ARHGEF37: variants seen among roughly 807,000 people sequenced by gnomAD.
ARHGEF37 encodes the protein Rho guanine nucleotide exchange factor (GEF) 37.
A neutral mutation model predicts 71.1 loss-of-function variants in ARHGEF37; 55 were observed. The observed-to-expected ratio is 0.77, with a 90% CI of 0.62 to 0.97. The LOEUF (loss-of-function observed/expected upper bound fraction) is 0.97, where lower values mean the gene tolerates loss of function less well. Ranked by LOEUF, ARHGEF37 falls within the 50% of genes least tolerant of loss-of-function variation. The pLI is 0.00. For synonymous variants in ARHGEF37, 327 were observed against 350.6 expected (o/e 0.93, Z 0.75); for missense variants, 765 against 836.8 (o/e 0.91, Z 1.06).
At chr5:149,585,504 A>T (rs1763209454) in intron 1 of ARHGEF37, among the ~76,000 whole-genome samples, 1 of 152,118 alleles carries the variant, frequency 6.6e-6, no homozygotes, top group Non-Finnish European at 1.5e-5. Flanking sequence ...AACACTACAT[A>T]GTGCATACTG....
Position 149,627,280 on chromosome 5 carries a change from G to C in ARHGEF37, c.1660+9G>C, listed in dbSNP as rs777741512. ...GCTGGTGGACACCGGGGGTACGTGA[G>C]CCTTTGGGAGCCCTTCTTCTCCTTC... On this transcript the variant is annotated intron_variant, in intron 11 of 12. Coordinates refer to ENST00000333677, the MANE Select transcript of ARHGEF37 (RefSeq NM_001001669.3). 6.2e-7 allele frequency: 1 copy of C among 1,609,888 alleles called. No homozygotes were observed. The highest frequency in any genetic ancestry group is 1.7e-5 in the Admixed American group (1 of 59,804).
At chr5:149,587,895 T>TAGTC (rs1491456188) in intron 1 of ARHGEF37, among the ~76,000 whole-genome samples, 9 of 28,314 alleles carry the variant, frequency 3.2e-4, no homozygotes, top group Admixed American at 4.9e-4. Context: ...CCCTTTAGTC[T>TAGTC]TTTTTTTTTT....
Position 149,619,020 on chromosome 5 carries a change from CT to C in ARHGEF37, c.873del (p.Ala292LeufsTer42), listed in dbSNP as rs1445004466. The C allele has an allele frequency of 1.6e-5, 26 of 1,614,130 alleles. No homozygotes were observed. The highest frequency in any genetic ancestry group is 2.2e-5 in the Non-Finnish European group (26 of 1,179,992). On this transcript the variant is annotated frameshift_variant, in exon 7 of 13. Coordinates refer to ENST00000333677, the MANE Select transcript of ARHGEF37 (RefSeq NM_001001669.3). LOFTEE classifies it high-confidence loss of function. ...GTGACTGAGCTGAAGAACAACGTGG[CT>C]GCTTACCTGGACAATCTGCAGGTGA... ...LCVTELKNNV[A>X]AYLDNLQAFL...
intron 9 of ARHGEF37, 46 bp from the exon 10 acceptor site, chr5:149,623,966 T>G: frequency 6.5e-7 from 1 of 1,548,360 alleles, no homozygotes; most frequent in Non-Finnish European, 8.8e-7. Flanking sequence ...GGGATCTCAT[T>G]GTCCCCTCTT....
chr5:149,588,836 C>G (rs1469221717), intron 1 of ARHGEF37, among the ~76,000 whole-genome samples: 1 of 152,220 alleles, frequency 6.6e-6, no homozygotes, highest in East Asian at 1.9e-4. Flanking sequence ...CCTCAACTTT[C>G]CCTGCCCAGA....
intron 4 of ARHGEF37, among the ~76,000 whole-genome samples, chr5:149,615,292 C>A (rs956946024): frequency 6.7e-6 from 1 of 149,296 alleles, no homozygotes; most frequent in Non-Finnish European, 1.5e-5. Flanking sequence ...GTAGCCACCA[C>A]CATGCCTAGT....
intron 5 of ARHGEF37, among the ~76,000 whole-genome samples, chr5:149,617,654 C>T (rs1752416669): frequency 1.3e-5 from 2 of 152,176 alleles, no homozygotes; most frequent in Admixed American, 1.3e-4. Flanking sequence ...GGGACAGAGC[C>T]AGGTTTCAAA....
chr5:149,621,570 G>A (rs1195173898), intron 8 of ARHGEF37, among the ~76,000 whole-genome samples, 163 bp from the exon 9 acceptor site: 8 of 152,128 alleles, frequency 5.3e-5, no homozygotes, highest in Non-Finnish European at 2.9e-5. Flanking sequence ...TTTTTCAGAT[G>A]GGCAGATTGA....
chr5:149,582,895 A>G (rs1467063500), intron 1 of ARHGEF37, among the ~76,000 whole-genome samples: 2 of 152,258 alleles, frequency 1.3e-5, no homozygotes, highest in African/African-American at 4.8e-5. Flanking sequence ...TCTGAAATAA[A>G]ATACAATTTA....
At chr5:149,588,496 G>A (rs1763303759) in intron 1 of ARHGEF37, among the ~76,000 whole-genome samples, 1 of 151,242 alleles carries the variant, frequency 6.6e-6, no homozygotes, top group South Asian at 2.1e-4. Flanking sequence ...ATGGGGTTTT[G>A]CCATGTTGGC....
chr5:149,622,959 A>C lies in ARHGEF37; in HGVS notation c.1335+897A>C, dbSNP rs555623575. Reference sequence around the variant, plus strand: ...TCTCCAGCTCAGCTTTTCCCCATCCAATTCTTTGCATGAAAACTCTACTAA... The same window carrying C: ...TCTCCAGCTCAGCTTTTCCCCATCCCATTCTTTGCATGAAAACTCTACTAA... On this transcript the variant is annotated intron_variant, in intron 9 of 12. Transcript: ENST00000333677. 2.6e-5 allele frequency among the ~76,000 whole-genome samples: 4 copies of C among 152,078 alleles called. No homozygotes were observed. The East Asian group carries it at 7.7e-4, about 29-fold the overall frequency.
chr5:149,605,602 A>G (rs1030423127), intron 3 of ARHGEF37, among the ~76,000 whole-genome samples: 57 of 152,316 alleles, frequency 3.7e-4, no homozygotes, highest in African/African-American at 1.3e-3. Context: ...GCCACCCACA[A>G]GCTCTTTCCT....
intron 1 of ARHGEF37, among the ~76,000 whole-genome samples, chr5:149,574,797 T>C (rs575197669): frequency 1.3e-5 from 2 of 152,158 alleles, no homozygotes; most frequent in Non-Finnish European, 2.9e-5. Flanking sequence ...TTACATCCCA[T>C]AGGTCACCAA....
At chr5:149,617,493 T>C (rs1467669911) in intron 5 of ARHGEF37, among the ~76,000 whole-genome samples, 1 of 152,232 alleles carries the variant, frequency 6.6e-6, no homozygotes, top group African/African-American at 2.4e-5. Context: ...ATTCAGCTAA[T>C]GTTTACTAAG....
upstream of ARHGEF37, among the ~76,000 whole-genome samples, chr5:149,580,448 G>C (rs906222115): frequency 8.5e-5 from 13 of 152,076 alleles, no homozygotes; most frequent in African/African-American, 3.1e-4. Flanking sequence ...ACACTTTTCT[G>C]GTTTTCATGT....
chr5:149,611,707 A>G (rs1752176890), intron 4 of ARHGEF37, among the ~76,000 whole-genome samples: 1 of 152,262 alleles, frequency 6.6e-6, no homozygotes, highest in Non-Finnish European at 1.5e-5. Flanking sequence ...GTGACACTCA[A>G]TGAATCTCAC....
At chr5:149,569,781 C>T (rs753367472) in intron 1 of ARHGEF37, among the ~76,000 whole-genome samples, 2 of 152,024 alleles carry the variant, frequency 1.3e-5, no homozygotes, top group African/African-American at 2.4e-5. Flanking sequence ...CCACCACGCC[C>T]GGCTAATTTT....
intron 4 of ARHGEF37, among the ~76,000 whole-genome samples, chr5:149,613,572 C>T (rs1047452619): frequency 1.1e-4 from 17 of 152,032 alleles, no homozygotes; most frequent in African/African-American, 4.1e-4. Flanking sequence ...GTCTTGATTT[C>T]TTGACCTCGT....
chr5:149,627,305 C>G (rs373304087), intron 11 of ARHGEF37, 34 bp downstream of exon 11: 1 of 1,595,038 alleles, frequency 6.3e-7, no homozygotes, highest in Non-Finnish European at 8.5e-7. Context: ...TCTTCTCCTT[C>G]GGGGAAAACC....
Sources: allele counts gnomAD v4.1 joint callset (sites outside exome capture counted in the v4.1 genomes callset), GRCh38; gene constraint gnomAD v4.1.1; transcripts MANE v1.5; gene names NCBI Gene and HGNC (gene_info 2026-07-23, HGNC 2026-07-21).